The following SIRPG variants were observed in gnomAD, a reference collection of about 807,000 sequenced individuals.
SIRPG encodes the protein signal-regulatory protein gamma.
A neutral mutation model predicts 35.7 loss-of-function variants in SIRPG; 38 were observed. The ratio of observed to expected loss-of-function variants is 1.06; its 90% CI spans 0.82 to 1.40. The LOEUF is 1.40. SIRPG is among the 40% of genes most tolerant of loss of function. The pLI, the probability that SIRPG is intolerant of heterozygous loss-of-function variation, is 0.00. For synonymous variants in SIRPG, 215 were observed against 190.4 expected (o/e 1.13, Z -1.06); for missense variants, 519 against 483.0 (o/e 1.07, Z -0.70).
rs773885896 is a variant in SIRPG, at chr20:1,635,610, A to G, written c.749-11T>C. The G allele has an allele frequency of 6.2e-7, 1 of 1,613,214 alleles. No individual in the cohort carries two copies. Among genetic ancestry groups the G allele is most frequent in the East Asian group, 2.2e-5 (1 of 44,880 alleles). The stretch of plus-strand genomic sequence containing the variant: ...CCAAGGTGGGTGGAACTGAAACAGC[A>G]CAGGGTAGAAGCTCTGATCTTCTGG... On this transcript the variant is annotated splice_polypyrimidine_tract_variant and intron_variant, in intron 3 of 5. Coordinates refer to ENST00000303415, the MANE Select transcript of SIRPG (RefSeq NM_018556.4).
chr20:1,659,099 T>C (rs1354807793), upstream of SIRPG, among the ~76,000 whole-genome samples: 2 of 152,222 alleles, frequency 1.3e-5, no homozygotes, highest in Admixed American at 6.5e-5. Flanking sequence ...GACTCATAAT[T>C]AATTATAAGC....
At chr20:1,634,209 G>GTTTT (rs11284426) in intron 4 of SIRPG, among the ~76,000 whole-genome samples, 2 of 128,718 alleles carry the variant, frequency 1.6e-5, no homozygotes, top group Non-Finnish European at 1.6e-5. Flanking sequence ...GCCTGGTACA[G>GTTTT]TTTTTTTTTT....
At chr20:1,682,701 T>C in the SIRPG span, among the ~76,000 whole-genome samples, 1 of 152,162 alleles carries the variant, frequency 6.6e-6, no homozygotes, top group Non-Finnish European at 1.5e-5. Context: ...TCATACCACA[T>C]ACAAAAATCA....
At chr20:1,684,827 T>C in the SIRPG span, among the ~76,000 whole-genome samples, 7 of 151,996 alleles carry the variant, frequency 4.6e-5, no homozygotes, top group Non-Finnish European at 8.8e-5. Flanking sequence ...AGTTAATAGG[T>C]GTAGCTTTCA....
chr20:1,634,050 C>G (rs1402766943), intron 4 of SIRPG, among the ~76,000 whole-genome samples: 1 of 152,174 alleles, frequency 6.6e-6, no homozygotes, highest in Non-Finnish European at 1.5e-5. Context: ...TCCAGACTTA[C>G]TGGGTGGTTG....
At chr20:1,671,580 A>G in the SIRPG span, among the ~76,000 whole-genome samples, 5 of 152,214 alleles carry the variant, frequency 3.3e-5, no homozygotes, top group Non-Finnish European at 5.9e-5. Context: ...TTAAAGATAC[A>G]TAGAAAGTAT....
rs2091983560 is a variant in SIRPG, at chr20:1,657,659, A to G, written c.56T>C (p.Leu19Pro). 1.2e-6 allele frequency: 2 copies of G among 1,614,212 alleles called. No homozygotes were observed. Among genetic ancestry groups the G allele is most frequent in the Admixed American group, 3.3e-5 (2 of 60,024 alleles). ...ATGCTCACCTGTAAGTCCCAGCAGT[A>G]GAGTCAGAAGCAGGAAAGGACCAGG... ...HPPGPFLLLT[L>P]LLGLTEVAGE... The change falls in exon 1 of 6, where the codon CTA becomes CCA. Residue 19 changes from leucine to proline, a missense_variant. By Grantham distance (98) the Leu-to-Pro change is moderately conservative. Transcript: ENST00000303415.
intron 4 of SIRPG, among the ~76,000 whole-genome samples, chr20:1,631,502 C>T (rs1018244429): frequency 1.3e-5 from 2 of 152,224 alleles, no homozygotes; most frequent in Non-Finnish European, 2.9e-5. Context: ...GCACCTCGCT[C>T]CTCCTACAGT....
At chr20:1,644,632 G>A (rs1600213781) in intron 2 of SIRPG, among the ~76,000 whole-genome samples, 1 of 152,216 alleles carries the variant, frequency 6.6e-6, no homozygotes, top group Non-Finnish European at 1.5e-5. Flanking sequence ...TAGCTGAATG[G>A]CTGTTGAGAA....
intron 2 of SIRPG, among the ~76,000 whole-genome samples, chr20:1,645,704 G>A (rs1235991168): frequency 6.6e-6 from 1 of 152,196 alleles, no homozygotes; most frequent in Non-Finnish European, 1.5e-5. Context: ...CCTTGTCCCA[G>A]GTCACAGAGC....
chr20:1,671,055 G>A, the SIRPG span: 2 of 426,404 alleles, frequency 4.7e-6, no homozygotes, highest in Non-Finnish European at 4.7e-6. Flanking sequence ...TGATCTGGAA[G>A]CCTGAGAGCT....
chr20:1,680,730 A>G, the SIRPG span, among the ~76,000 whole-genome samples: 2 of 152,248 alleles, frequency 1.3e-5, no homozygotes, highest in African/African-American at 4.8e-5. Flanking sequence ...TTGATGCAGA[A>G]AAGCCTTTGA....
intron 1 of SIRPG, among the ~76,000 whole-genome samples, chr20:1,651,971 T>C (rs568105711): frequency 6.6e-5 from 10 of 152,196 alleles, no homozygotes; most frequent in Admixed American, 1.3e-4. Flanking sequence ...GGCAATGTAT[T>C]CTACATTTAC....
At chr20:1,651,004 A>G (rs1488970141) in intron 1 of SIRPG, among the ~76,000 whole-genome samples, 1 of 152,222 alleles carries the variant, frequency 6.6e-6, no homozygotes, top group Non-Finnish European at 1.5e-5. Context: ...CATGAATTCT[A>G]TACCTGGCGA....
At chr20:1,633,582 T>C (rs1179206231) in intron 4 of SIRPG, 2 of 152,224 alleles carry the variant, frequency 1.3e-5, no homozygotes, top group Non-Finnish European at 2.9e-5. Flanking sequence ...GTGGACATGA[T>C]CACACGCCTT....
rs150221517 is a variant in SIRPG at position 1,655,080 on chromosome 20, G to A, written c.73+2562C>T. Among the ~76,000 whole-genome samples the A allele has an allele frequency of 5.3e-3, 801 of 152,256 alleles. 2 individuals carry two copies. The highest frequency in any genetic ancestry group is 0.018 in the African/African-American group (763 of 41,548). The stretch of plus-strand genomic sequence containing the variant: ...GGGAACCCTTGCAGACAGTTGGTGG[G>A]AATATAAATTAGTAGAGCCATTAGT... On this transcript the variant is annotated intron_variant, in intron 1 of 5. Coordinates refer to ENST00000303415, the MANE Select transcript of SIRPG (RefSeq NM_018556.4).
At chr20:1,685,857 G>C in the SIRPG span, among the ~76,000 whole-genome samples, 25 of 152,238 alleles carry the variant, frequency 1.6e-4, no homozygotes, top group East Asian at 4.8e-3. Flanking sequence ...GCTGAACAGA[G>C]GGCTGAGCCT....
intron 1 of SIRPG, among the ~76,000 whole-genome samples, chr20:1,652,745 CT>C (rs2091948868): frequency 1.3e-5 from 2 of 152,180 alleles, no homozygotes; most frequent in South Asian, 4.1e-4. Flanking sequence ...TTTTATTGCA[CT>C]TATCATTGTC....
chr20:1,639,428 A>C lies in SIRPG; in HGVS notation c.431-2923T>G, dbSNP rs555519755. 2.6e-5 allele frequency among the ~76,000 whole-genome samples: 4 copies of C among 152,230 alleles called. No homozygotes were observed. The South Asian group carries it at 8.3e-4, about 32-fold the overall frequency. ...GCCACATAAATGTCTTCTTTTGAGA[A>C]GTGTGTGTTCATATACTTTGCATAC... On this transcript the variant is annotated intron_variant, in intron 2 of 5. Transcript: ENST00000303415.
Sources: allele counts gnomAD v4.1 joint callset (sites outside exome capture counted in the v4.1 genomes callset), GRCh38; gene constraint gnomAD v4.1.1; transcripts MANE v1.5; gene names NCBI Gene and HGNC (gene_info 2026-07-23, HGNC 2026-07-21).